MTMR9: variants seen among roughly 807,000 people sequenced by gnomAD.
MTMR9 encodes myotubularin-related protein 9.
Under a neutral mutation model 69.5 loss-of-function variants are expected in MTMR9, and 39 were observed. The ratio of observed to expected loss-of-function variants is 0.56; its 90% confidence interval spans 0.43 to 0.73. The LOEUF is 0.73. Ranked by LOEUF, MTMR9 falls within the 30% of genes least tolerant of loss-of-function variation. The pLI is 0.00. For synonymous variants in MTMR9, 354 were observed against 240.8 expected, an observed-to-expected ratio of 1.47 and a Z score of -4.35; for missense variants, 900 against 671.2, an observed-to-expected ratio of 1.34 and a Z score of -3.77.
At chr8:11,289,019 A>T (rs1379102270) in intron 1 of MTMR9, among the ~76,000 whole-genome samples, 1 of 152,150 alleles carries the variant, frequency 6.6e-6, no homozygotes, top group Non-Finnish European at 1.5e-5. Context: ...TGAAAATACA[A>T]AAAATAGCTG....
At chr8:11,301,361 T>C (rs1305180735) in intron 3 of MTMR9, among the ~76,000 whole-genome samples, 2 of 152,166 alleles carry the variant, frequency 1.3e-5, no homozygotes, top group Non-Finnish European at 2.9e-5. Context: ...CCCTTAATGC[T>C]CAGTTGATTT....
At chr8:11,289,574 C>G (rs962444234) in intron 1 of MTMR9, among the ~76,000 whole-genome samples, 1 of 151,840 alleles carries the variant, frequency 6.6e-6, no homozygotes, top group African/African-American at 2.4e-5. Context: ...TAAAAGGTTT[C>G]CTCTGTTGTT....
chr8:11,332,299 C>G, downstream of MTMR9: 2 of 1,093,080 alleles, frequency 1.8e-6, no homozygotes, highest in Non-Finnish European at 2.5e-6. Flanking sequence ...AAAAATATCA[C>G]AAAGCATGCA....
rs572979564 is a variant in MTMR9 at position 11,326,109 on chromosome 8, T to G, written c.*3321T>G. 1 of 152,206 alleles carries G rather than the reference T, an allele frequency of 6.6e-6. No individual in the cohort carries two copies. The highest frequency in any genetic ancestry group is 1.5e-5 in the Non-Finnish European group (1 of 68,034). The allele number at this position is 152,206 out of a possible 1,614,324, so 9.4% of individuals were successfully genotyped here. On this transcript the variant is annotated 3_prime_UTR_variant, in exon 10 of 10. Transcript: ENST00000221086. ...AAAAATCAGTATCATGGAAAAGATA[T>G]GACCATAATTTAGTCTCCTCAAGTG...
rs960741205 is a variant in MTMR9, at chr8:11,326,526, T to A, written c.*3738T>A. 2.6e-5 allele frequency: 4 copies of A among 152,000 alleles called. No homozygotes were observed. Among genetic ancestry groups the A allele is most frequent in the African/African-American group, 9.7e-5 (4 of 41,354 alleles). The allele number at this position is 152,000 out of a possible 1,614,324, so 9.4% of individuals were successfully genotyped here. ...TGGGCAACCCTCAGAACTGAAGAGG[T>A]TCAGAGAACTTTCCAGGTTTATACT... On this transcript the variant is annotated 3_prime_UTR_variant, in exon 10 of 10. Coordinates refer to ENST00000221086, the MANE Select transcript of MTMR9 (RefSeq NM_015458.4).
chr8:11,335,088 CAG>C, the MTMR9 span, among the ~76,000 whole-genome samples: 1 of 152,104 alleles, frequency 6.6e-6, no homozygotes, highest in Non-Finnish European at 1.5e-5. Context: ...TGCAATGAGA[CAG>C]AAACAGAAAA....
At chr8:11,304,540 G>A (rs962067950) in intron 3 of MTMR9, among the ~76,000 whole-genome samples, 2 of 152,188 alleles carry the variant, frequency 1.3e-5, no homozygotes, top group Admixed American at 1.3e-4. Flanking sequence ...AACTTGTACG[G>A]TGTTGTCTGA....
chr8:11,293,951 G>C (rs1306462725), intron 1 of MTMR9, among the ~76,000 whole-genome samples: 1 of 152,088 alleles, frequency 6.6e-6, no homozygotes, highest in African/African-American at 2.4e-5. Flanking sequence ...TAGCTTTATA[G>C]TAAGCCTTGA....
At chr8:11,312,021 A>G (rs1800221090) in intron 6 of MTMR9, among the ~76,000 whole-genome samples, 1 of 152,056 alleles carries the variant, frequency 6.6e-6, no homozygotes, top group Admixed American at 6.6e-5. Context: ...AATTGCAGCA[A>G]TTCAGTCAAA....
chr8:11,314,921 A>G lies in MTMR9; in HGVS notation c.972-2A>G. 1 of 1,613,276 alleles carries G rather than the reference A, an allele frequency of 6.2e-7. No individual in the cohort carries two copies. On this transcript the variant is annotated splice_acceptor_variant, in intron 6 of 9. Coordinates refer to ENST00000221086, the MANE Select transcript of MTMR9 (RefSeq NM_015458.4). LOFTEE classifies it high-confidence loss of function. Reference sequence around the variant, plus strand: ...TGTACTCTTCCCTGATTTTCCTATCAGGGAAGGAGCATCAATATTGATTCA... The same window carrying G: ...TGTACTCTTCCCTGATTTTCCTATCGGGGAAGGAGCATCAATATTGATTCA...
At chr8:11,306,077 G>T (rs3808507) in intron 4 of MTMR9, 113 bp from the exon 5 acceptor site, 1 of 808,632 alleles carries the variant, frequency 1.2e-6, no homozygotes, top group Non-Finnish European at 2.0e-6. Context: ...AAATCCATCT[G>T]CAGAGTGTCA....
downstream of MTMR9, among the ~76,000 whole-genome samples, chr8:11,329,988 C>A (rs1052673319): frequency 4.6e-5 from 7 of 151,144 alleles, no homozygotes; most frequent in Admixed American, 3.9e-4. Context: ...AAGTGAGGAG[C>A]CCCTCCGCCT....
At position 11,328,018 on chromosome 8, in the gene MTMR9, G is replaced by A. The variant is rs2117487338; in HGVS notation, c.*5230G>A. The A allele has an allele frequency of 6.6e-6, 1 of 152,288 alleles. No homozygotes were observed. The highest frequency in any genetic ancestry group is 2.1e-4 in the South Asian group (1 of 4,824). The allele number at this position is 152,288 out of a possible 1,614,324, so 9.4% of individuals were successfully genotyped here. A position where few individuals can be genotyped will look rare whatever the true frequency, so the allele number is the denominator to read the frequency against. ...AAAGAGTCTTGTCGAATGTGGTACTGTTCTTAGTGTGTAATATTTGCGTAT... is the reference window on the plus strand; with the variant it reads ...AAAGAGTCTTGTCGAATGTGGTACTATTCTTAGTGTGTAATATTTGCGTAT... On this transcript the variant is annotated 3_prime_UTR_variant, in exon 10 of 10. Coordinates refer to ENST00000221086, the MANE Select transcript of MTMR9 (RefSeq NM_015458.4).
At chr8:11,334,921 A>G in the MTMR9 span, among the ~76,000 whole-genome samples, 4 of 152,224 alleles carry the variant, frequency 2.6e-5, no homozygotes, top group African/African-American at 9.6e-5. Context: ...TAAACTAGGA[A>G]TAGAGTGGAA....
chr8:11,301,122 G>T (rs187987690), intron 3 of MTMR9, among the ~76,000 whole-genome samples: 1 of 152,310 alleles, frequency 6.6e-6, no homozygotes, highest in East Asian at 1.9e-4. Context: ...TGTAGAGTCA[G>T]TGCAATCCCT....
intron 3 of MTMR9, among the ~76,000 whole-genome samples, chr8:11,304,571 G>C (rs954847045): frequency 6.6e-6 from 1 of 152,202 alleles, no homozygotes; most frequent in African/African-American, 2.4e-5. Flanking sequence ...AAAACCAATA[G>C]AGGGAGCTAC....
rs200595932 is a variant in MTMR9, at chr8:11,284,971, C to T, written c.83C>T (p.Thr28Ile). ...HRPFYPAVEG[T>I]LCLTGHHLIL... is the part of the protein sequence containing the mutation. ...CCTTTCTACCCGGCTGTCGAGGGCA[C>T]CCTGTGCCTGACGGGCCACCACTTG... is the stretch of plus-strand genomic sequence containing the variant. The change falls in exon 1 of 10, where the codon ACC becomes ATC. Residue 28 changes from threonine (T) to isoleucine (I), a missense_variant. Coordinates refer to ENST00000221086, the MANE Select transcript of MTMR9 (RefSeq NM_015458.4). 1.4e-5 allele frequency: 22 copies of T among 1,613,806 alleles called. No homozygotes were observed. The highest frequency in any genetic ancestry group is 1.8e-5 in the Non-Finnish European group (21 of 1,179,940).
Position 11,323,024 on chromosome 8 carries a change from C to T in MTMR9, c.*236C>T. ...TTGGGAGCCGGAAGGAGGTGCTAGT[C>T]ATTTTATTTTTACGTGAAATAGATG... On this transcript the variant is annotated 3_prime_UTR_variant, in exon 10 of 10. Transcript: ENST00000221086. 3.0e-6 allele frequency: 1 copy of T among 335,514 alleles called. No homozygotes were observed. The highest frequency in any genetic ancestry group is 5.2e-5 in the East Asian group (1 of 19,320). The allele number at this position is 335,514 out of a possible 1,614,324, so 20.8% of individuals were successfully genotyped here.
At chr8:11,317,685 C>G (rs1160703062) in intron 8 of MTMR9, 1 of 152,388 alleles carries the variant, frequency 6.6e-6, no homozygotes, top group Admixed American at 6.5e-5. Context: ...GACTTTGTTA[C>G]ACCTAGAAAC....
Sources: allele counts gnomAD v4.1 joint callset (sites outside exome capture counted in the v4.1 genomes callset), GRCh38; gene constraint gnomAD v4.1.1; transcripts MANE v1.5; gene names NCBI Gene and HGNC (gene_info 2026-07-23, HGNC 2026-07-21).